KCTD19: variants seen among roughly 807,000 people sequenced by gnomAD.
The protein encoded by KCTD19 is potassium channel tetramerization domain containing 19.
A neutral mutation model predicts 103.5 loss-of-function variants in KCTD19; 67 were observed. The observed-to-expected ratio is 0.65, with a 90% CI of 0.53 to 0.79. The LOEUF (loss-of-function observed/expected upper bound fraction) is 0.79, where lower values mean the gene tolerates loss of function less well. Among genes scored for constraint, KCTD19 ranks in the 30% least tolerant of loss-of-function variants. The pLI is 0.00. For synonymous variants in KCTD19, 439 were observed against 452.2 expected, an observed-to-expected ratio of 0.97 and a Z score of 0.37; for missense variants, 980 against 1,136.1, an observed-to-expected ratio of 0.86 and a Z score of 1.98.
In KCTD19 at chr16:67,294,613, C is replaced by T. The variant is rs765157829; in HGVS notation, c.1557G>A (p.Gly519=). Residue 519 remains glycine (G), a synonymous_variant, in exon 11 of 16, where the codon GGG becomes GGA. Coordinates refer to ENST00000304372, the MANE Select transcript of KCTD19 (RefSeq NM_001100915.3). ...TGTCTCTACTGAACTCCACCAGTGA[C>T]CCTGGCCCTTCTGTCACCACATGCA... ...RRLHVVTEGP[G]SLVEFSRDTK... is the part of the protein sequence containing the mutation. 8 of 1,614,020 alleles carry T rather than the reference C, an allele frequency of 5.0e-6. No individual in the cohort carries two copies.
At position 67,320,615 on chromosome 16, in the gene KCTD19, C is replaced by A. The variant is rs751014926; in HGVS notation, c.274G>T (p.Gly92Cys). The change falls in exon 2 of 16, where the codon GGT (glycine) becomes TGT (cysteine). Residue 92 changes from glycine to cysteine, a missense_variant. Physicochemically the swap from Gly to Cys is radical, Grantham distance 159. Transcript: ENST00000304372. The surrounding 1 kb of genome is among the most constrained non-coding windows in gnomAD (Gnocchi z 4.0). ...ELNLLYEQAL[G>C]LQLMPLLQTL... ...TGCAGCAAAGGCATCAGCTGCAAACCCAATGCTTGCTCATACAGCAAGTTC... is the reference window on the plus strand; with the variant it reads ...TGCAGCAAAGGCATCAGCTGCAAACACAATGCTTGCTCATACAGCAAGTTC... 5.1e-5 allele frequency: 82 copies of A among 1,614,014 alleles called. No individual in the cohort carries two copies. Among genetic ancestry groups the A allele is most frequent in the Non-Finnish European group, 2.6e-5 (31 of 1,180,010 alleles).
At chr16:67,324,941 CT>C (rs1405303533) in intron 1 of KCTD19, among the ~76,000 whole-genome samples, 8 of 152,160 alleles carry the variant, frequency 5.3e-5, no homozygotes, top group Non-Finnish European at 1.0e-4. Flanking sequence ...TTCTAAAAGC[CT>C]TTCTACAAGT....
chr16:67,293,619 T>C lies in KCTD19; in HGVS notation c.2143A>G (p.Thr715Ala). 1.2e-6 allele frequency: 2 copies of C among 1,613,908 alleles called. No individual in the cohort carries two copies. The highest frequency in any genetic ancestry group is 8.5e-7 in the Non-Finnish European group (1 of 1,179,970). The change falls in exon 12 of 16, where the codon ACC becomes GCC. Residue 715 changes from threonine (T) to alanine (A), a missense_variant. Coordinates refer to ENST00000304372, the MANE Select transcript of KCTD19 (RefSeq NM_001100915.3). This position sits in a 1 kb window ranked among gnomAD's most constrained non-coding sequence, Gnocchi z 4.0. ...AGAKDKGPEP[T>A]FKPYLPPKRA... ...TTTGGGGGTAAGTATGGCTTGAAGGTTGGCTCTGGCCCCTTGTCTTTCGCT... is the reference window on the plus strand; with the variant it reads ...TTTGGGGGTAAGTATGGCTTGAAGGCTGGCTCTGGCCCCTTGTCTTTCGCT...
chr16:67,294,585 T>C lies in KCTD19; in HGVS notation c.1585A>G (p.Lys529Glu), dbSNP rs111842396. 11 of 1,607,526 alleles carry C rather than the reference T, an allele frequency of 6.8e-6. No individual in the cohort carries two copies. In the African/African-American group the frequency reaches 8.0e-5, roughly 12 times the overall value. Residue 529 changes from lysine (K) to glutamate (E), a missense_variant, in exon 11 of 16, where the codon AAA (lysine) becomes GAA (glutamate). Lys to Glu is a moderately conservative substitution (Grantham distance 56, BLOSUM62 1). Transcript: ENST00000304372. Reference protein sequence around the residue: ...GSLVEFSRDTKETTAYMPVDF... With the variant: ...GSLVEFSRDTEETTAYMPVDF... Reference sequence around the variant, plus strand: ...CAGAGGAGGCTGGTGCTTACTTCTTTAGTGTCTCTACTGAACTCCACCAGT... The same window carrying C: ...CAGAGGAGGCTGGTGCTTACTTCTTCAGTGTCTCTACTGAACTCCACCAGT...
chr16:67,304,915 G>A (rs1216907607), intron 2 of KCTD19, among the ~76,000 whole-genome samples: 1 of 152,014 alleles, frequency 6.6e-6, no homozygotes, highest in Non-Finnish European at 1.5e-5. Flanking sequence ...TGATCCATCC[G>A]CCTCGGCCTC....
In KCTD19 at chr16:67,297,538, A is replaced by G. The variant is rs1461748439; in HGVS notation, c.1112T>C (p.Leu371Pro). Reference protein sequence around the residue: ...EPIKVALKTHLEPRTLAPMDV... With the variant: ...EPIKVALKTHPEPRTLAPMDV... Reference sequence around the variant, plus strand: ...CATGGGTGCCAAAGTCCTTGGCTCCAGATGAGTCTTCAAAGCAACTTTGAT... The same window carrying G: ...CATGGGTGCCAAAGTCCTTGGCTCCGGATGAGTCTTCAAAGCAACTTTGAT... The change falls in exon 7 of 16, where the codon CTG (leucine) becomes CCG (proline). Residue 371 changes from leucine (L) to proline (P), a missense_variant. By Grantham distance (98) the Leu-to-Pro change is moderately conservative (BLOSUM62 -3). Transcript: ENST00000304372. The G allele has an allele frequency of 6.2e-7, 1 of 1,614,194 alleles. No homozygotes were observed. The highest frequency in any genetic ancestry group is 8.5e-7 in the Non-Finnish European group (1 of 1,180,028).
chr16:67,306,602 C>T (rs899253027), intron 2 of KCTD19, among the ~76,000 whole-genome samples: 3 of 152,108 alleles, frequency 2.0e-5, no homozygotes, highest in Non-Finnish European at 2.9e-5. Context: ...TAGTCCTGGT[C>T]CCCTAGCCCC....
rs768255137 is a variant in KCTD19 at position 67,291,781 on chromosome 16, C to G, written c.2275G>C (p.Val759Leu). 1.9e-6 allele frequency: 3 copies of G among 1,613,910 alleles called. No individual in the cohort carries two copies. Among genetic ancestry groups the G allele is most frequent in the South Asian group, 1.1e-5 (1 of 91,068 alleles). Residue 759 changes from valine (V) to leucine (L), a missense_variant, in exon 13 of 16, where the codon GTT becomes CTT. Physicochemically the swap from Val to Leu is conservative, Grantham distance 32. Coordinates refer to ENST00000304372, the MANE Select transcript of KCTD19 (RefSeq NM_001100915.3). ...GGGGGGTGAGTCACTTTGAGGATAACCCCTAGGCTGTCCACCTCACTGGCC... is the reference window on the plus strand; with the variant it reads ...GGGGGGTGAGTCACTTTGAGGATAAGCCCTAGGCTGTCCACCTCACTGGCC... ...PEASEVDSLG[V>L]ILKVTHPPVV...
chr16:67,295,709 GGCC>G, intron 8 of KCTD19: 1 of 343,504 alleles, frequency 2.9e-6, no homozygotes, highest in African/African-American at 2.1e-5. Context: ...AACTCTGGAG[GGCC>G]TTCCCAGCAG....
chr16:67,295,454 G>A (rs770794931), intron 8 of KCTD19, 49 bp from the exon 9 acceptor site: 34 of 1,565,152 alleles, frequency 2.2e-5, no homozygotes, highest in East Asian at 1.1e-4. Context: ...AGGTCTTTGC[G>A]AAGGGGCAGG....
At chr16:67,313,231 T>G (rs990858903) in intron 2 of KCTD19, among the ~76,000 whole-genome samples, 1 of 151,820 alleles carries the variant, frequency 6.6e-6, no homozygotes, top group Non-Finnish European at 1.5e-5. Context: ...CATCTCAGCC[T>G]CCCCGAGTAG....
At chr16:67,301,978 T>A in intron 4 of KCTD19, 56 bp from the exon 5 acceptor site, 2 of 1,585,380 alleles carry the variant, frequency 1.3e-6, no homozygotes, top group South Asian at 2.2e-5. Flanking sequence ...GGTTTAGCTG[T>A]AGGTCCTGGT....
intron 2 of KCTD19, among the ~76,000 whole-genome samples, chr16:67,312,635 A>T (rs969027033): frequency 2.6e-5 from 4 of 151,884 alleles, no homozygotes; most frequent in African/African-American, 9.7e-5. Context: ...TCAGATCCTA[A>T]CTCCTGATTT....
intron 15 of KCTD19, among the ~76,000 whole-genome samples, chr16:67,290,608 A>G (rs1484663111): frequency 1.3e-5 from 2 of 152,232 alleles, no homozygotes; most frequent in Non-Finnish European, 2.9e-5. Context: ...TTGGGCTCAT[A>G]TGATATGTGT....
intron 2 of KCTD19, among the ~76,000 whole-genome samples, chr16:67,314,783 T>G (rs1269459714): frequency 4.9e-5 from 7 of 143,514 alleles, no homozygotes; most frequent in Admixed American, 1.4e-4. Context: ...GACATGATGG[T>G]TTTTTTCACT....
intron 11 of KCTD19, 81 bp from the exon 12 acceptor site, chr16:67,294,252 C>T: frequency 1.4e-6 from 2 of 1,384,096 alleles, no homozygotes; most frequent in Admixed American, 4.1e-5. Context: ...TAAGCTGGGC[C>T]TCCAAGACTT....
intron 1 of KCTD19, 158 bp downstream of exon 1, chr16:67,326,546 TC>T: frequency 2.2e-6 from 2 of 930,072 alleles, no homozygotes; most frequent in Non-Finnish European, 3.1e-6. Context: ...TTCTAACTCC[TC>T]AGAGCCAGCC....
At chr16:67,316,531 T>G (rs1048959203) in intron 2 of KCTD19, among the ~76,000 whole-genome samples, 1 of 152,210 alleles carries the variant, frequency 6.6e-6, no homozygotes, top group Non-Finnish European at 1.5e-5. Flanking sequence ...TGTAGCAATA[T>G]ACTTTTGTTT....
intron 8 of KCTD19, chr16:67,295,649 G>C: frequency 2.4e-6 from 1 of 410,570 alleles, no homozygotes; most frequent in East Asian, 4.3e-5. Context: ...GAAGCCCACC[G>C]TACCTCCTTC....
Sources: gnomAD v4.1 joint callset for allele counts (sites outside exome capture counted in the v4.1 genomes callset) on GRCh38, gnomAD v4.1.1 for gene constraint, Gnocchi (gnomAD v3.1) non-coding constraint, MANE v1.5 for transcripts, NCBI Gene and HGNC (gene_info 2026-07-23, HGNC 2026-07-21) for gene names.